The following FAT3 variants were observed in gnomAD, a reference collection of about 807,000 sequenced individuals.
FAT3 encodes FAT atypical cadherin 3.
A neutral mutation model predicts 310.2 loss-of-function variants in FAT3; 95 were observed. The observed-to-expected ratio is 0.31, with a 90% confidence interval of 0.26 to 0.36. FAT3 has a LOEUF of 0.36. FAT3 is among the 10% of genes least tolerant of loss of function. The pLI is 1.00. For synonymous variants in FAT3, 2,314 were observed against 2,192.9 expected (o/e 1.06, Z -1.54); for missense variants, 5,408 against 5,715.6 (o/e 0.95, Z 1.74).
chr11:92,651,544 T>C (rs1440027140), intron 3 of FAT3, among the ~76,000 whole-genome samples: 2 of 152,200 alleles, frequency 1.3e-5, no homozygotes, highest in Non-Finnish European at 2.9e-5. Context: ...ATCTGTGTCT[T>C]CTAATAGGAG....
intron 2 of FAT3, among the ~76,000 whole-genome samples, chr11:92,374,286 T>C (rs1402889536): frequency 6.6e-6 from 1 of 152,168 alleles, no homozygotes; most frequent in Non-Finnish European, 1.5e-5. Context: ...TATATTCTAG[T>C]GGGGATGTTG....
At chr11:92,596,893 G>A (rs1939738414) in intron 3 of FAT3, among the ~76,000 whole-genome samples, 1 of 152,102 alleles carries the variant, frequency 6.6e-6, no homozygotes, top group African/African-American at 2.4e-5. Flanking sequence ...TGAATGACCA[G>A]CATTCCTGTG....
At chr11:92,243,294 A>G (rs898118337) in intron 1 of FAT3, among the ~76,000 whole-genome samples, 1 of 152,050 alleles carries the variant, frequency 6.6e-6, no homozygotes, top group Non-Finnish European at 1.5e-5. Flanking sequence ...TCTGAATTTC[A>G]TTTGTCTCTG....
rs577043782 is a variant in FAT3, at chr11:92,612,955, G to GC, written c.3608-84427dup. On this transcript the variant is annotated intron_variant, in intron 3 of 27. Coordinates refer to ENST00000525166, the MANE Select transcript of FAT3 (RefSeq NM_001367949.2). ...CTAATTCAGTATGCATGTGTGCTAT[G>GC]CCAGTGTTGGGAGGAAAAGACTGAG... 5.2e-4 allele frequency among the ~76,000 whole-genome samples: 79 copies of GC among 152,334 alleles called. 1 individual carries two copies. Among genetic ancestry groups the GC allele is most frequent in the African/African-American group, 1.9e-3 (77 of 41,586 alleles).
At chr11:92,594,068 A>G (rs1374074302) in intron 3 of FAT3, among the ~76,000 whole-genome samples, 1 of 152,126 alleles carries the variant, frequency 6.6e-6, no homozygotes, top group East Asian at 1.9e-4. Flanking sequence ...TGGCACCAGA[A>G]CCAGAGTCAG....
chr11:92,336,295 C>T, intron 1 of FAT3: 1 of 486,172 alleles, frequency 2.1e-6, no homozygotes, highest in Non-Finnish European at 4.0e-6. Flanking sequence ...GGGTTCTTCT[C>T]ATAGAAGTTT....
intron 4 of FAT3, among the ~76,000 whole-genome samples, chr11:92,727,938 G>C (rs985874151): frequency 2.0e-5 from 3 of 152,130 alleles, no homozygotes; most frequent in Admixed American, 2.0e-4. Flanking sequence ...ACACTTCTTT[G>C]TTGCTGGCTG....
intron 1 of FAT3, among the ~76,000 whole-genome samples, chr11:92,316,552 T>G (rs773292550): frequency 6.6e-6 from 1 of 152,242 alleles, no homozygotes; most frequent in Non-Finnish European, 1.5e-5. Flanking sequence ...TACAATTGAC[T>G]GCTTCCGTTA....
In FAT3 at chr11:92,733,955, T is replaced by G. The variant is rs1945265412; in HGVS notation, c.3670-27901T>G. ...CAATTAACAGAGCAGTGCTTTTAAG[T>G]ACACTTTCCTTTGCTGCAAAGCATC... On this transcript the variant is annotated intron_variant, in intron 4 of 27. Transcript: ENST00000525166. Among the ~76,000 whole-genome samples, 5 of 152,244 alleles carry G rather than the reference T, an allele frequency of 3.3e-5. No individual in the cohort carries two copies. The South Asian group carries it at 1.0e-3, about 31-fold the overall frequency.
chr11:92,828,885 G>T (rs977432674), intron 13 of FAT3, among the ~76,000 whole-genome samples: 5 of 152,154 alleles, frequency 3.3e-5, no homozygotes, highest in African/African-American at 9.7e-5. Flanking sequence ...CTGGAACAGA[G>T]GTGATAGAAT....
At chr11:92,509,900 C>A (rs991872572) in intron 2 of FAT3, among the ~76,000 whole-genome samples, 2 of 152,140 alleles carry the variant, frequency 1.3e-5, no homozygotes, top group African/African-American at 4.8e-5. Flanking sequence ...TTCATATTTT[C>A]TTCTACAGTG....
chr11:92,721,631 T>C (rs753654836), intron 4 of FAT3, among the ~76,000 whole-genome samples: 3 of 152,222 alleles, frequency 2.0e-5, no homozygotes, highest in Non-Finnish European at 4.4e-5. Context: ...GGGTGCATCT[T>C]ATGAGATACA....
At chr11:92,531,854 C>T (rs1054168726) in intron 3 of FAT3, among the ~76,000 whole-genome samples, 3 of 151,926 alleles carry the variant, frequency 2.0e-5, no homozygotes, top group Admixed American at 6.6e-5. Context: ...CATAATTCTT[C>T]GTCGTGGGGA....
At chr11:92,553,114 A>G (rs1954879356) in intron 3 of FAT3, among the ~76,000 whole-genome samples, 1 of 152,320 alleles carries the variant, frequency 6.6e-6, no homozygotes, top group South Asian at 2.1e-4. Context: ...AGCCAAAAAA[A>G]CAAAACAGGT....
intron 2 of FAT3, among the ~76,000 whole-genome samples, chr11:92,517,385 T>C (rs1269802060): frequency 6.6e-6 from 1 of 152,182 alleles, no homozygotes; most frequent in East Asian, 1.9e-4. Context: ...AGATTCCCTA[T>C]GTAATAAATG....
intron 3 of FAT3, among the ~76,000 whole-genome samples, chr11:92,663,060 G>T (rs487671): frequency 0.57 from 87,134 of 152,048 alleles, 26,726 homozygotes; most frequent in African/African-American, 0.8. Flanking sequence ...ACCAGGGGTG[G>T]GAAGCACGTG....
chr11:92,254,458 T>C (rs1865238231), intron 1 of FAT3, among the ~76,000 whole-genome samples: 2 of 152,170 alleles, frequency 1.3e-5, no homozygotes, highest in Admixed American at 6.6e-5. Flanking sequence ...CAGTTTAAGA[T>C]CCTGCTGGCT....
chr11:92,535,509 A>G (rs1954225781), intron 3 of FAT3, among the ~76,000 whole-genome samples: 1 of 152,166 alleles, frequency 6.6e-6, no homozygotes, highest in Non-Finnish European at 1.5e-5. Context: ...AGGTTCTCCT[A>G]AAGGAGGGAG....
intron 3 of FAT3, among the ~76,000 whole-genome samples, chr11:92,626,893 T>G (rs1941361099): frequency 6.6e-6 from 1 of 152,188 alleles, no homozygotes; most frequent in Non-Finnish European, 1.5e-5. Context: ...GCCCCCATCA[T>G]TAATACTCTC....
Sources: gnomAD v4.1 joint callset for allele counts (sites outside exome capture counted in the v4.1 genomes callset) on GRCh38, gnomAD v4.1.1 for gene constraint, MANE v1.5 for transcripts, NCBI Gene and HGNC (gene_info 2026-07-23, HGNC 2026-07-21) for gene names.